The following KCNIP4 variants were observed in gnomAD, a reference collection of about 807,000 sequenced individuals.
KCNIP4 encodes Kv channel-interacting protein 4.
Under a neutral mutation model 34.0 loss-of-function variants are expected in KCNIP4, and 12 were observed. The ratio of observed to expected loss-of-function variants is 0.35; its 90% CI spans 0.23 to 0.57. KCNIP4 has a LOEUF of 0.57. KCNIP4 is among the 20% of genes least tolerant of loss of function. KCNIP4 has a pLI of 0.83. For missense variants in KCNIP4, 238 were observed against 311.7 expected, an observed-to-expected ratio of 0.76 and a Z score of 1.78; for synonymous variants, 124 against 102.2, an observed-to-expected ratio of 1.21 and a Z score of -1.29.
intron 2 of KCNIP4, among the ~76,000 whole-genome samples, chr4:20,857,110 G>A (rs761895447): frequency 7.3e-5 from 11 of 151,226 alleles, no homozygotes; most frequent in South Asian, 2.1e-4. Flanking sequence ...CAGCTGTCTG[G>A]TACCTTACTT....
chr4:21,189,251 G>A (rs1325409248), intron 1 of KCNIP4, among the ~76,000 whole-genome samples: 1 of 152,146 alleles, frequency 6.6e-6, no homozygotes, highest in Non-Finnish European at 1.5e-5. Flanking sequence ...ACCAGGCCTT[G>A]ACTATTGAGT....
At chr4:21,093,783 A>T (rs984659394) in intron 1 of KCNIP4, among the ~76,000 whole-genome samples, 3 of 152,146 alleles carry the variant, frequency 2.0e-5, no homozygotes, top group Admixed American at 1.3e-4. Flanking sequence ...TATTACAACA[A>T]TTAAAAGAAA....
intron 1 of KCNIP4, among the ~76,000 whole-genome samples, chr4:21,173,695 G>A (rs1464848437): frequency 6.6e-6 from 1 of 152,156 alleles, no homozygotes; most frequent in African/African-American, 2.4e-5. Context: ...CCAAACCCGT[G>A]ACAGTAGGTC....
intron 1 of KCNIP4, among the ~76,000 whole-genome samples, chr4:21,922,057 A>T (rs1260856260): frequency 6.6e-6 from 1 of 152,032 alleles, no homozygotes; most frequent in Non-Finnish European, 1.5e-5. Flanking sequence ...CTCTTTTCTC[A>T]TCCTCATATA....
At chr4:21,740,003 A>G (rs960754734) in intron 1 of KCNIP4, among the ~76,000 whole-genome samples, 1 of 152,126 alleles carries the variant, frequency 6.6e-6, no homozygotes, top group South Asian at 2.1e-4. Flanking sequence ...ATATGGGCTT[A>G]GTCCAAAAGG....
chr4:21,883,895 C>T (rs1726605628), intron 1 of KCNIP4, among the ~76,000 whole-genome samples: 1 of 151,988 alleles, frequency 6.6e-6, no homozygotes. Context: ...AATGAATGGC[C>T]CAATAGAGAC....
intron 1 of KCNIP4, among the ~76,000 whole-genome samples, chr4:21,791,104 A>G (rs1170413269): frequency 6.6e-6 from 1 of 152,130 alleles, no homozygotes; most frequent in African/African-American, 2.4e-5. Context: ...TATCAACAGA[A>G]ATGTATTCCT....
intron 1 of KCNIP4, among the ~76,000 whole-genome samples, chr4:21,068,997 A>G (rs190099049): frequency 2.6e-5 from 4 of 152,302 alleles, no homozygotes; most frequent in Admixed American, 2.6e-4. Context: ...TAAACAAGTT[A>G]CTTAACCTAT....
In KCNIP4 at chr4:21,482,510, G is replaced by A. The variant is rs374476755; in HGVS notation, c.61+466061C>T. 2.0e-5 allele frequency among the ~76,000 whole-genome samples: 3 copies of A among 152,218 alleles called. No homozygotes were observed. The East Asian group carries it at 5.8e-4, about 29-fold the overall frequency. On this transcript the variant is annotated intron_variant, in intron 1 of 8. Coordinates refer to ENST00000382152, the MANE Select transcript of KCNIP4 (RefSeq NM_025221.6). ...GAGCTCTTGTAGGGCAGGCCTGGTGGTGACAAACTCTCTCAGCATTTGCTT... is the reference window on the plus strand; with the variant it reads ...GAGCTCTTGTAGGGCAGGCCTGGTGATGACAAACTCTCTCAGCATTTGCTT...
chr4:20,762,484 C>A (rs1055230857), intron 3 of KCNIP4, among the ~76,000 whole-genome samples: 4 of 152,062 alleles, frequency 2.6e-5, no homozygotes, highest in South Asian at 2.1e-4. Flanking sequence ...TTTTTTTAAA[C>A]CTTCAGGTGA....
intron 1 of KCNIP4, among the ~76,000 whole-genome samples, chr4:21,000,188 A>T (rs1465471567): frequency 6.6e-6 from 1 of 152,090 alleles, no homozygotes; most frequent in Non-Finnish European, 1.5e-5. Context: ...ATTAGCAAAA[A>T]ATTTGGCTAA....
chr4:21,739,101 A>T (rs1340568261), intron 1 of KCNIP4, among the ~76,000 whole-genome samples: 1 of 152,114 alleles, frequency 6.6e-6, no homozygotes, highest in Non-Finnish European at 1.5e-5. Context: ...AAAAGGAAGG[A>T]AAGGTAAAAA....
At chr4:21,423,514 G>C (rs1725670209) in intron 1 of KCNIP4, among the ~76,000 whole-genome samples, 1 of 152,132 alleles carries the variant, frequency 6.6e-6, no homozygotes, top group Non-Finnish European at 1.5e-5. Context: ...GAATGACAAA[G>C]TAAATGAGTA....
intron 1 of KCNIP4, among the ~76,000 whole-genome samples, chr4:21,126,020 C>T (rs1213667762): frequency 6.6e-6 from 1 of 152,014 alleles, no homozygotes; most frequent in Non-Finnish European, 1.5e-5. Context: ...AAAGTATTAG[C>T]AGTGAACATG....
chr4:21,732,055 TGATTG>T (rs1560673096), intron 1 of KCNIP4, among the ~76,000 whole-genome samples: 7 of 150,936 alleles, frequency 4.6e-5, no homozygotes, highest in Admixed American at 2.0e-4. Context: ...TGAATAAACT[TGATTG>T]TATAATTTTG....
At chr4:21,916,764 G>A (rs1478798993) in intron 1 of KCNIP4, among the ~76,000 whole-genome samples, 2 of 152,162 alleles carry the variant, frequency 1.3e-5, no homozygotes, top group East Asian at 3.9e-4. Flanking sequence ...TTGTTACCTA[G>A]CTTGCCTTGG....
At chr4:21,241,032 C>T (rs1244316456) in intron 1 of KCNIP4, among the ~76,000 whole-genome samples, 1 of 151,990 alleles carries the variant, frequency 6.6e-6, no homozygotes, top group Admixed American at 6.6e-5. Flanking sequence ...TAATATATAT[C>T]CTTATTTTGA....
intron 1 of KCNIP4, among the ~76,000 whole-genome samples, chr4:21,714,433 G>T (rs2109081486): frequency 6.6e-6 from 1 of 152,014 alleles, no homozygotes; most frequent in East Asian, 2.0e-4. Context: ...ACAAGGGGAA[G>T]GGGGCAAAAA....
chr4:21,390,435 A>G (rs536794160), intron 1 of KCNIP4, among the ~76,000 whole-genome samples: 4 of 152,188 alleles, frequency 2.6e-5, no homozygotes, highest in South Asian at 2.1e-4. Context: ...TATGGTTTTA[A>G]GTCTAACATT....
Sources: gnomAD v4.1 joint callset for allele counts (sites outside exome capture counted in the v4.1 genomes callset) on GRCh38, gnomAD v4.1.1 for gene constraint, MANE v1.5 for transcripts, NCBI Gene and HGNC (gene_info 2026-07-23, HGNC 2026-07-21) for gene names.